PALM2AKAP2: variants seen among roughly 807,000 people sequenced by gnomAD.
PALM2AKAP2 encodes PALM2 and AKAP2 fusion.
Under a neutral mutation model 71.5 loss-of-function variants are expected in PALM2AKAP2, and 37 were observed. That is an observed-to-expected ratio of 0.52 (90% CI 0.40 to 0.68). PALM2AKAP2 has a LOEUF of 0.68. Ranked by LOEUF, PALM2AKAP2 falls within the 30% of genes least tolerant of loss-of-function variation. The probability of loss-of-function intolerance (pLI) is 0.00; values close to 1 mark genes in which losing one functional copy is unlikely to be tolerated. For synonymous variants in PALM2AKAP2, 468 were observed against 478.8 expected (o/e 0.98, Z 0.29); for missense variants, 1,224 against 1,191.8 (o/e 1.03, Z -0.40).
At chr9:109,664,378 G>C (rs1424669552) in intron 1 of PALM2AKAP2, among the ~76,000 whole-genome samples, 1 of 152,154 alleles carries the variant, frequency 6.6e-6, no homozygotes, top group Non-Finnish European at 1.5e-5. Context: ...TTGTAAGGCA[G>C]GCCTGGTGGT....
intron 3 of PALM2AKAP2, among the ~76,000 whole-genome samples, chr9:109,912,630 T>C (rs1295663197): frequency 6.6e-6 from 1 of 152,230 alleles, no homozygotes; most frequent in African/African-American, 2.4e-5. Flanking sequence ...CTTCCCAGTG[T>C]TCTACCTAGA....
At chr9:110,084,874 T>C (rs1320842429) in intron 1 of PALM2AKAP2, among the ~76,000 whole-genome samples, 1 of 152,034 alleles carries the variant, frequency 6.6e-6, no homozygotes, top group Non-Finnish European at 1.5e-5. Flanking sequence ...TAGCTGGGAC[T>C]ACAGGCATGT....
At chr9:110,012,900 G>T (rs554483509) in intron 6 of PALM2AKAP2, among the ~76,000 whole-genome samples, 1 of 152,300 alleles carries the variant, frequency 6.6e-6, no homozygotes, top group South Asian at 2.1e-4. Context: ...ACTTTTATAT[G>T]CAGAATTATA....
chr9:109,976,383 A>C (rs1832173922), intron 6 of PALM2AKAP2, among the ~76,000 whole-genome samples: 1 of 152,234 alleles, frequency 6.6e-6, no homozygotes, highest in East Asian at 1.9e-4. Context: ...CCCAAGATCA[A>C]ACAAGTAGGA....
At chr9:110,063,719 C>A (rs944146833) in intron 1 of PALM2AKAP2, among the ~76,000 whole-genome samples, 1 of 152,206 alleles carries the variant, frequency 6.6e-6, no homozygotes, top group Non-Finnish European at 1.5e-5. Flanking sequence ...GCTGGGATTA[C>A]AGGCGTGAGC....
At chr9:109,900,666 G>A (rs1048561464) in intron 3 of PALM2AKAP2, among the ~76,000 whole-genome samples, 2 of 152,154 alleles carry the variant, frequency 1.3e-5, no homozygotes, top group African/African-American at 4.8e-5. Context: ...ACCCTCACAA[G>A]ACCTATAATC....
At chr9:109,789,587 G>A (rs913359) in intron 1 of PALM2AKAP2, among the ~76,000 whole-genome samples, 125,494 of 152,180 alleles carry the variant, frequency 0.82, 52,161 homozygotes, top group East Asian at 0.95. Flanking sequence ...CGGATCTCTT[G>A]TATATCTTAA....
At chr9:109,928,942 C>T (rs1831023531) in intron 5 of PALM2AKAP2, among the ~76,000 whole-genome samples, 1 of 152,260 alleles carries the variant, frequency 6.6e-6, no homozygotes, top group East Asian at 1.9e-4. Context: ...GTTGGGTTTA[C>T]AGGTGTGAGC....
chr9:110,060,790 C>T (rs553197631), intron 1 of PALM2AKAP2, among the ~76,000 whole-genome samples: 4 of 152,102 alleles, frequency 2.6e-5, no homozygotes, highest in East Asian at 1.9e-4. Flanking sequence ...TTGGTAGAGA[C>T]GGGATTTCGC....
intron 1 of PALM2AKAP2, among the ~76,000 whole-genome samples, chr9:109,642,715 G>A (rs919255015): frequency 7.9e-5 from 12 of 151,422 alleles, no homozygotes; most frequent in African/African-American, 2.7e-4. Context: ...ACCATGCCCA[G>A]CTAATTTTTA....
intron 1 of PALM2AKAP2, among the ~76,000 whole-genome samples, chr9:109,849,264 G>A (rs1828944014): frequency 6.6e-6 from 1 of 151,990 alleles, no homozygotes; most frequent in Non-Finnish European, 1.5e-5. Context: ...AGAGCCCCAG[G>A]ACTCTGCATT....
chr9:109,974,067 G>A (rs1832122624), intron 6 of PALM2AKAP2, among the ~76,000 whole-genome samples: 1 of 152,228 alleles, frequency 6.6e-6, no homozygotes. Flanking sequence ...ACTGGTATGT[G>A]CTTCTATGAG....
intron 6 of PALM2AKAP2, among the ~76,000 whole-genome samples, chr9:110,002,216 T>C (rs1356792014): frequency 1.3e-5 from 2 of 151,900 alleles, no homozygotes; most frequent in Admixed American, 6.5e-5. Flanking sequence ...TGAGAGTTTT[T>C]AGCATGAAGG....
chr9:110,018,760 CT>C (rs1833024382), intron 7 of PALM2AKAP2, among the ~76,000 whole-genome samples: 1 of 152,164 alleles, frequency 6.6e-6, no homozygotes, highest in Non-Finnish European at 1.5e-5. Context: ...ACAGAAAATG[CT>C]TGTTTCTATC....
chr9:110,136,916 C>A, exon 2 of PALM2AKAP2: 1 of 1,614,126 alleles, frequency 6.2e-7, no homozygotes, highest in Non-Finnish European at 8.5e-7. Flanking sequence ...AGAGCTCATC[C>A]GCAGCCAGGC....
At chr9:109,880,138 A>T (rs1283998716) in intron 2 of PALM2AKAP2, among the ~76,000 whole-genome samples, 1 of 152,200 alleles carries the variant, frequency 6.6e-6, no homozygotes, top group Non-Finnish European at 1.5e-5. Flanking sequence ...TGGTCTTAGG[A>T]AGTTTTTTAA....
At chr9:109,985,323 A>G (rs1032011878) in intron 6 of PALM2AKAP2, among the ~76,000 whole-genome samples, 4 of 152,130 alleles carry the variant, frequency 2.6e-5, no homozygotes, top group Non-Finnish European at 5.9e-5. Context: ...TTTTTCCCCA[A>G]TGTGAAATAT....
At chr9:109,675,075 C>T (rs752260565) in intron 1 of PALM2AKAP2, among the ~76,000 whole-genome samples, 1 of 152,014 alleles carries the variant, frequency 6.6e-6, no homozygotes, top group Non-Finnish European at 1.5e-5. Context: ...GTATTCTGAG[C>T]ATATTTGAAG....
intron 1 of PALM2AKAP2, among the ~76,000 whole-genome samples, chr9:110,095,809 G>C (rs1834822488): frequency 6.6e-6 from 1 of 152,182 alleles, no homozygotes; most frequent in African/African-American, 2.4e-5. Context: ...ATAGCTGTTA[G>C]GGGTCTTGGA....
Sources: allele counts gnomAD v4.1 joint callset (sites outside exome capture counted in the v4.1 genomes callset), GRCh38; gene constraint gnomAD v4.1.1; transcripts MANE v1.5; gene names NCBI Gene and HGNC (gene_info 2026-07-23, HGNC 2026-07-21).